The following LRIF1 variants were observed in gnomAD, a reference collection of about 807,000 sequenced individuals.
The protein encoded by LRIF1 is ligand dependent nuclear receptor interacting factor 1.
In LRIF1, 32 loss-of-function variants were observed where a neutral mutation model predicts 52.7. That is an observed-to-expected ratio of 0.61 (90% CI 0.46 to 0.82). LRIF1 has a LOEUF of 0.82. Ranked by LOEUF, LRIF1 falls within the 40% of genes least tolerant of loss-of-function variation. The probability of loss-of-function intolerance (pLI) is 0.00; values close to 1 mark genes in which losing one functional copy is unlikely to be tolerated. For synonymous variants in LRIF1, 323 were observed against 317.4 expected (o/e 1.02, Z -0.19); for missense variants, 887 against 892.0 (o/e 0.99, Z 0.07).
chr1:110,898,102 G>A, the LRIF1 span, among the ~76,000 whole-genome samples: 2 of 152,148 alleles, frequency 1.3e-5, no homozygotes. Context: ...TCTTGGCCGG[G>A]CGTGGTGGCT....
intron 1 of LRIF1, among the ~76,000 whole-genome samples, chr1:110,955,710 T>C (rs1658668052): frequency 1.3e-5 from 2 of 152,172 alleles, no homozygotes. Flanking sequence ...AGTAGACAAC[T>C]CTTTTTAAAC....
Position 110,952,860 on chromosome 1 carries a change from T to C in LRIF1, c.69-45A>G. On this transcript the variant is annotated intron_variant, in intron 1 of 3. Transcript: ENST00000369763. ...AATAAATACAACATACTACATGGTA[T>C]ATACATTTTATTTAAAAATAAATAT... 3.1e-6 allele frequency: 3 copies of C among 961,860 alleles called. No homozygotes were observed. The South Asian group carries it at 1.2e-4, about 40-fold the overall frequency. 59.6% of individuals were successfully genotyped at this position (961,860 alleles called of 1,614,324 possible). A position where few individuals can be genotyped will look rare whatever the true frequency, so the allele number is the denominator to read the frequency against.
chr1:110,878,597 T>C, the LRIF1 span, among the ~76,000 whole-genome samples: 3 of 152,226 alleles, frequency 2.0e-5, no homozygotes, highest in Admixed American at 6.5e-5. Context: ...TACATTTGCT[T>C]TCTATTGCTG....
the LRIF1 span, among the ~76,000 whole-genome samples, chr1:110,890,708 G>A: frequency 2.0e-5 from 3 of 152,106 alleles, no homozygotes; most frequent in Non-Finnish European, 4.4e-5. Flanking sequence ...TATTCTAGTT[G>A]AAAAAAATAA....
chr1:110,936,053 C>T, the LRIF1 span, among the ~76,000 whole-genome samples: 1 of 152,034 alleles, frequency 6.6e-6, no homozygotes, highest in Non-Finnish European at 1.5e-5. Context: ...ACATATTTAA[C>T]ATGATGAAGG....
At chr1:110,930,953 G>A in the LRIF1 span, among the ~76,000 whole-genome samples, 3 of 151,804 alleles carry the variant, frequency 2.0e-5, no homozygotes, top group Non-Finnish European at 4.4e-5. Flanking sequence ...TGACCCTGTC[G>A]TCCAGCCTGT....
Position 110,952,067 on chromosome 1 carries a change from C to T in LRIF1, c.817G>A (p.Ala273Thr). 1.3e-5 allele frequency: 21 copies of T among 1,614,178 alleles called. No individual in the cohort carries two copies. Among genetic ancestry groups the T allele is most frequent in the East Asian group, 2.2e-5 (1 of 44,888 alleles). Residue 273 changes from alanine to threonine, a missense_variant, in exon 2 of 4, where the codon GCT becomes ACT. Transcript: ENST00000369763. ...CCACCTTTCAATTGTGTCTCTGTAGCAACATTCTTTGGAATTTGTGTGGTA... is the reference window on the plus strand; with the variant it reads ...CCACCTTTCAATTGTGTCTCTGTAGTAACATTCTTTGGAATTTGTGTGGTA... ...LNTTQIPKNV[A>T]TETQLKGGQH...
chr1:110,913,264 G>C, the LRIF1 span, among the ~76,000 whole-genome samples: 1 of 152,104 alleles, frequency 6.6e-6, no homozygotes, highest in Non-Finnish European at 1.5e-5. Flanking sequence ...ATAGGTCTTG[G>C]CAAAGATTTC....
At chr1:110,911,500 C>A in the LRIF1 span, among the ~76,000 whole-genome samples, 1 of 152,038 alleles carries the variant, frequency 6.6e-6, no homozygotes, top group Non-Finnish European at 1.5e-5. Context: ...CTAACTCATT[C>A]TACAAGGCCA....
chr1:110,899,293 C>A, the LRIF1 span: 2 of 830,344 alleles, frequency 2.4e-6, no homozygotes, highest in East Asian at 5.2e-5. Flanking sequence ...GGATGATCCT[C>A]CTCCCATCCT....
the LRIF1 span, among the ~76,000 whole-genome samples, chr1:110,898,204 C>T: frequency 3.3e-5 from 5 of 151,924 alleles, no homozygotes; most frequent in South Asian, 2.1e-4. Context: ...GGTGAAACCC[C>T]GTCTCTACTA....
the LRIF1 span, chr1:110,892,652 G>A: frequency 2.3e-6 from 2 of 861,860 alleles, no homozygotes; most frequent in Non-Finnish European, 3.7e-6. Flanking sequence ...AATGAGATTG[G>A]TACCTCAGAT....
chr1:110,956,464 A>C (rs1296278547), intron 1 of LRIF1, among the ~76,000 whole-genome samples: 2 of 152,204 alleles, frequency 1.3e-5, no homozygotes, highest in Non-Finnish European at 2.9e-5. Context: ...TAAAAGGCTA[A>C]AGTATAGGGA....
the LRIF1 span, chr1:110,941,246 G>A: frequency 6.6e-6 from 1 of 151,974 alleles, no homozygotes; most frequent in Non-Finnish European, 1.5e-5. Context: ...ATGTATAAAT[G>A]TATATACTAT....
Position 110,951,292 on chromosome 1 carries a change from G to C in LRIF1, c.1592C>G (p.Pro531Arg), listed in dbSNP as rs765750604. ...SQQCVFRDQEPKIHNEMASTS... is the reference protein window; with the variant it reads ...SQQCVFRDQERKIHNEMASTS... ...ACCCTGACATGGGAAAATTACCTTTGGTTCTTGGTCTCTGAAAACACACTG... is the reference window on the plus strand; with the variant it reads ...ACCCTGACATGGGAAAATTACCTTTCGTTCTTGGTCTCTGAAAACACACTG... Residue 531 changes from proline (P) to arginine (R), a missense_variant, in exon 2 of 4, where the codon CCA becomes CGA. Physicochemically the swap from Pro to Arg is moderately radical, Grantham distance 103. Transcript: ENST00000369763. 6.2e-7 allele frequency: 1 copy of C among 1,605,118 alleles called. No individual in the cohort carries two copies. Among genetic ancestry groups the C allele is most frequent in the African/African-American group, 1.3e-5 (1 of 74,334 alleles).
chr1:110,933,409 T>C, the LRIF1 span, among the ~76,000 whole-genome samples: 1 of 152,112 alleles, frequency 6.6e-6, no homozygotes, highest in Non-Finnish European at 1.5e-5. Flanking sequence ...GTTTTAACTA[T>C]GTACTGCTGA....
the LRIF1 span, among the ~76,000 whole-genome samples, chr1:110,914,506 T>C: frequency 1.3e-5 from 2 of 151,992 alleles, no homozygotes; most frequent in South Asian, 4.1e-4. Flanking sequence ...AAATACTGAT[T>C]AGATTGGGAG....
the LRIF1 span, among the ~76,000 whole-genome samples, chr1:110,875,833 G>A: frequency 1.2e-4 from 18 of 152,316 alleles, no homozygotes; most frequent in Admixed American, 2.0e-4. Flanking sequence ...TAGGTTTTGG[G>A]AAAGAGAAAG....
At chr1:110,890,134 C>T in the LRIF1 span, among the ~76,000 whole-genome samples, 1 of 152,136 alleles carries the variant, frequency 6.6e-6, no homozygotes, top group Non-Finnish European at 1.5e-5. Flanking sequence ...CTATGGATTG[C>T]ACAAGTGACC....
Sources: gnomAD v4.1 joint callset for allele counts (sites outside exome capture counted in the v4.1 genomes callset) on GRCh38, gnomAD v4.1.1 for gene constraint, MANE v1.5 for transcripts, NCBI Gene and HGNC (gene_info 2026-07-23, HGNC 2026-07-21) for gene names.